TRPC5: variants seen among roughly 807,000 people sequenced by gnomAD.
TRPC5 encodes short transient receptor potential channel 5.
Under a neutral mutation model 56.5 loss-of-function variants are expected in TRPC5, and 9 were observed. The ratio of observed to expected loss-of-function variants is 0.16; its 90% CI spans 0.10 to 0.28. The LOEUF is 0.28. TRPC5 is among the 10% of genes least tolerant of loss of function. The pLI is 1.00. For missense variants in TRPC5, 469 were observed against 748.9 expected (o/e 0.63, Z 4.36); for synonymous variants, 282 against 278.5 (o/e 1.01, Z -0.13).
At chrX:112,032,736 C>A (rs138680305) in intron 1 of TRPC5, among the ~76,000 whole-genome samples, 5 of 112,254 alleles carry the variant, frequency 4.5e-5, no homozygotes, top group Non-Finnish European at 7.5e-5. Flanking sequence ...TACATTCCCA[C>A]CAGCAAGGTG....
intron 1 of TRPC5, among the ~76,000 whole-genome samples, chrX:112,007,790 A>C (rs1928881899): frequency 1.8e-5 from 2 of 111,802 alleles, no homozygotes; most frequent in African/African-American, 6.5e-5. Flanking sequence ...AAAGGGACTG[A>C]CTGGACCCAG....
chrX:111,972,847 T>C (rs1380505193), intron 1 of TRPC5, among the ~76,000 whole-genome samples: 1 of 112,635 alleles, frequency 8.9e-6, no homozygotes, highest in African/African-American at 3.2e-5. Context: ...TTTCTCATTA[T>C]GGGCTTCCTT....
At chrX:112,026,490 A>T (rs1013765566) in intron 1 of TRPC5, among the ~76,000 whole-genome samples, 17 of 112,105 alleles carry the variant, frequency 1.5e-4, no homozygotes, top group Non-Finnish European at 1.9e-5. Flanking sequence ...AGATAAAGTA[A>T]AAGTTAAATA....
intron 2 of TRPC5, among the ~76,000 whole-genome samples, chrX:111,949,550 C>T (rs920050115): frequency 2.6e-4 from 29 of 111,948 alleles, no homozygotes; most frequent in African/African-American, 9.4e-4. Flanking sequence ...ATAGACAATT[C>T]TCAAAAGAAG....
At chrX:112,046,620 G>A (rs1272395003) in intron 1 of TRPC5, among the ~76,000 whole-genome samples, 1 of 111,956 alleles carries the variant, frequency 8.9e-6, no homozygotes, top group African/African-American at 3.3e-5. Context: ...TAAATGTGAA[G>A]TCAAGGTGAC....
rs1268177639 is a variant in TRPC5, at chrX:111,971,484, A to T, written c.-21-19043T>A. 2.7e-5 allele frequency among the ~76,000 whole-genome samples: 3 copies of T among 111,535 alleles called. No homozygotes were observed. In the East Asian group the frequency reaches 8.6e-4, roughly 32 times the overall value. ...CAGAAGGTAGTACATCTCAACTCAGAGATGGAGTTGCTCTGATATCTTGAG... is the reference window on the plus strand; with the variant it reads ...CAGAAGGTAGTACATCTCAACTCAGTGATGGAGTTGCTCTGATATCTTGAG... On this transcript the variant is annotated intron_variant, in intron 1 of 10. Coordinates refer to ENST00000262839, the MANE Select transcript of TRPC5 (RefSeq NM_012471.3).
At chrX:111,976,398 G>A (rs750615148) in intron 1 of TRPC5, among the ~76,000 whole-genome samples, 2 of 110,947 alleles carry the variant, frequency 1.8e-5, no homozygotes, top group Non-Finnish European at 3.8e-5. Flanking sequence ...ACTCCAGCCT[G>A]GAGTGCCACT....
intron 2 of TRPC5, among the ~76,000 whole-genome samples, chrX:111,951,818 G>A (rs1233070750): frequency 8.9e-6 from 1 of 111,812 alleles, no homozygotes; most frequent in Non-Finnish European, 1.9e-5. Context: ...TACATTCAGT[G>A]AGTACTGAAT....
chrX:111,792,922 C>T (rs1946033999), intron 7 of TRPC5, among the ~76,000 whole-genome samples: 1 of 111,852 alleles, frequency 8.9e-6, no homozygotes, highest in South Asian at 3.8e-4. Flanking sequence ...GTTAGTACCA[C>T]CTTGCACAAT....
At chrX:111,982,037 T>A (rs901785328) in intron 1 of TRPC5, among the ~76,000 whole-genome samples, 12 of 111,180 alleles carry the variant, frequency 1.1e-4, no homozygotes, top group African/African-American at 3.6e-4. Flanking sequence ...CCCCCCTCGC[T>A]CTTGCTCTCT....
chrX:111,908,908 G>A (rs1305222587), intron 3 of TRPC5, among the ~76,000 whole-genome samples: 1 of 110,571 alleles, frequency 9.0e-6, no homozygotes, highest in East Asian at 2.8e-4. Flanking sequence ...AGGCTGAGAT[G>A]GGAAGATCAC....
chrX:111,981,263 C>G (rs144803598), intron 1 of TRPC5, among the ~76,000 whole-genome samples: 1,496 of 109,846 alleles, frequency 0.014, 26 homozygotes, highest in African/African-American at 0.047. Context: ...AGTTCAAGTT[C>G]AAAGGCAAAA....
chrX:112,009,471 A>C (rs12689270), intron 1 of TRPC5, among the ~76,000 whole-genome samples: 1 of 111,394 alleles, frequency 9.0e-6, no homozygotes, highest in East Asian at 2.8e-4. Flanking sequence ...TCAGGGACCC[A>C]GATTCTCAGA....
intron 7 of TRPC5, among the ~76,000 whole-genome samples, chrX:111,822,262 C>A (rs2148570913): frequency 9.0e-6 from 1 of 111,313 alleles, no homozygotes; most frequent in South Asian, 3.8e-4. Flanking sequence ...ATGGGAAAAC[C>A]TGATCTTAAT....
chrX:111,888,207 G>A (rs1924597813), intron 3 of TRPC5, among the ~76,000 whole-genome samples: 1 of 111,565 alleles, frequency 9.0e-6, no homozygotes, highest in Non-Finnish European at 1.9e-5. Flanking sequence ...CTAGAACAGA[G>A]CAGGAGAGAG....
chrX:111,986,562 G>A (rs1232370751), intron 1 of TRPC5, among the ~76,000 whole-genome samples: 6 of 110,584 alleles, frequency 5.4e-5, no homozygotes, highest in Admixed American at 9.7e-5. Flanking sequence ...CTCAGGGGAG[G>A]CCGTTACACT....
chrX:111,958,026 G>C (rs1414976962), intron 1 of TRPC5, among the ~76,000 whole-genome samples: 1 of 111,812 alleles, frequency 8.9e-6, no homozygotes, highest in Non-Finnish European at 1.9e-5. Context: ...GGTCTTTCTA[G>C]ATTGTAGACA....
At chrX:112,034,285 A>G (rs1424161614) in intron 1 of TRPC5, among the ~76,000 whole-genome samples, 1 of 106,584 alleles carries the variant, frequency 9.4e-6, no homozygotes, top group Non-Finnish European at 1.9e-5. Context: ...TCATTTATTG[A>G]GATTTTCTTT....
At chrX:112,038,674 CT>C (rs776033044) in intron 1 of TRPC5, among the ~76,000 whole-genome samples, 7 of 109,232 alleles carry the variant, frequency 6.4e-5, no homozygotes, top group Admixed American at 3.9e-4. Flanking sequence ...TAGGGCCTCA[CT>C]TTTTTTTTAT....
Sources: allele counts gnomAD v4.1 joint callset (sites outside exome capture counted in the v4.1 genomes callset), GRCh38; gene constraint gnomAD v4.1.1; transcripts MANE v1.5; gene names NCBI Gene and HGNC (gene_info 2026-07-23, HGNC 2026-07-21).